GCG: variants seen among roughly 807,000 people sequenced by gnomAD.
The protein encoded by GCG is pro-glucagon.
Under a neutral mutation model 22.8 loss-of-function variants are expected in GCG, and 11 were observed. The ratio of observed to expected loss-of-function variants is 0.48; its 90% CI spans 0.30 to 0.80. GCG has a LOEUF of 0.80. GCG is among the 30% of genes least tolerant of loss of function. GCG has a pLI of 0.06. For synonymous variants in GCG, 89 were observed against 72.4 expected, an observed-to-expected ratio of 1.23 and a Z score of -1.16; for missense variants, 222 against 222.0, an observed-to-expected ratio of 1.00 and a Z score of 0.00.
chr2:162,149,488 A>G (rs551409207), intron 1 of GCG, among the ~76,000 whole-genome samples: 5 of 152,264 alleles, frequency 3.3e-5, no homozygotes, highest in Admixed American at 2.0e-4. Context: ...TGGAAATTAA[A>G]ATGTCCACAA....
At position 162,144,147 on chromosome 2, in the gene GCG, A is replaced by G. The variant is rs1262139977; in HGVS notation, c.416T>C (p.Val139Ala). Residue 139 changes from valine to alanine, a missense_variant, in exon 5 of 6, where the codon GTT becomes GCT. By Grantham distance (64) the Val-to-Ala change is moderately conservative. Transcript: ENST00000418842. ...AGCATGTCTGCGGCCAAGTTCTTCAACAATGGCGACCTCTTCTGGGAAACT... is the reference window on the plus strand; with the variant it reads ...AGCATGTCTGCGGCCAAGTTCTTCAGCAATGGCGACCTCTTCTGGGAAACT... ...RRDFPEEVAI[V>A]EELGRRHADG... 1 of 1,611,986 alleles carries G rather than the reference A, an allele frequency of 6.2e-7. No homozygotes were observed. Among genetic ancestry groups the G allele is most frequent in the Non-Finnish European group, 8.5e-7 (1 of 1,178,274 alleles).
Position 162,144,061 on chromosome 2 carries a change from TA to T in GCG, c.501del (p.Phe167LeufsTer2), listed in dbSNP as rs759990454. On this transcript the variant is annotated frameshift_variant, in exon 5 of 6. Transcript: ENST00000418842. LOFTEE classifies it high-confidence loss of function. ...ATTTTGGTCTGAATCAACCAGTTTA[TA>T]AAGTCCCTGGCGGCAAGATTATCAA... ...TILDNLAARD[F>X]INWLIQTKIT... 6.2e-7 allele frequency: 1 copy of T among 1,613,228 alleles called. No homozygotes were observed. The highest frequency in any genetic ancestry group is 8.5e-7 in the Non-Finnish European group (1 of 1,179,352).
At chr2:162,147,063 T>C (rs924584824) in intron 3 of GCG, among the ~76,000 whole-genome samples, 1 of 152,116 alleles carries the variant, frequency 6.6e-6, no homozygotes, top group Non-Finnish European at 1.5e-5. Context: ...AAGTAAACTT[T>C]CACTTTAAGG....
chr2:162,151,214 A>G (rs1686828154), intron 1 of GCG, among the ~76,000 whole-genome samples: 1 of 152,150 alleles, frequency 6.6e-6, no homozygotes, highest in African/African-American at 2.4e-5. Context: ...TGGTAACAAT[A>G]ATAAGTAGGA....
Position 162,149,105 on chromosome 2 carries a change from T to C in GCG, c.74A>G (p.Asp25Gly). ...TTAATACCTGGATTTCTCCTCTGTG[T>C]CTTGAAGGGAACGTTGCCAGCTGCC... Reference protein sequence around the residue: ...VQGSWQRSLQDTEEKSRSFSA... With the variant: ...VQGSWQRSLQGTEEKSRSFSA... The change falls in exon 2 of 6, where the codon GAC (aspartate) becomes GGC (glycine). Residue 25 changes from aspartate to glycine, a missense_variant. Physicochemically the swap from Asp to Gly is moderately conservative, Grantham distance 94. Transcript: ENST00000418842. The C allele has an allele frequency of 6.2e-7, 1 of 1,608,006 alleles. No individual in the cohort carries two copies. Among genetic ancestry groups the C allele is most frequent in the Admixed American group, 1.7e-5 (1 of 59,898 alleles).
At chr2:162,147,673 T>C (rs1686724093) in intron 2 of GCG, 159 bp from the exon 3 acceptor site, 1 of 765,532 alleles carries the variant, frequency 1.3e-6, no homozygotes, top group African/African-American at 1.7e-5. Context: ...TAGCTTGTCA[T>C]GAGAATCCCT....
At chr2:162,146,538 T>TTCTCTCTCTCTCTCTCTCTC (rs59717414) in intron 3 of GCG, among the ~76,000 whole-genome samples, 1 of 133,432 alleles carries the variant, frequency 7.5e-6, no homozygotes, top group African/African-American at 3.1e-5. Context: ...TGCTTGCTTG[T>TTCTCTCTCTCTCTCTCTCTC]TCTCTCTCTC....
At chr2:162,147,821 A>C (rs918880309) in intron 2 of GCG, among the ~76,000 whole-genome samples, 11 of 152,178 alleles carry the variant, frequency 7.2e-5, no homozygotes, top group African/African-American at 2.7e-4. Context: ...TAATAGTGAC[A>C]GAAGAGAGTA....
At chr2:162,147,187 C>CGGGGGCATAATACTAA (rs971877947) in intron 3 of GCG, among the ~76,000 whole-genome samples, 166 bp downstream of exon 3, 1 of 152,028 alleles carries the variant, frequency 6.6e-6, no homozygotes, top group African/African-American at 2.4e-5. Flanking sequence ...TTAAGACATT[C>CGGGGGCATAATACTAA]GGGGGCATAA....
chr2:162,151,471 G>A (rs927998390), intron 1 of GCG, among the ~76,000 whole-genome samples: 1 of 152,018 alleles, frequency 6.6e-6, no homozygotes, highest in African/African-American at 2.4e-5. Context: ...ATTGCAGAGG[G>A]TAGCTATTTT....
In GCG at chr2:162,149,157, C is replaced by T; in HGVS notation, c.22G>A (p.Ala8Thr). The change falls in exon 2 of 6, where the codon GCT (alanine) becomes ACT (threonine). Residue 8 changes from alanine to threonine, a missense_variant. Transcript: ENST00000418842. MKSIYFV[A>T]GLFVMLVQGS... is the part of the protein sequence containing the mutation. ...TGTACCAGCATTACAAATAATCCAG[C>T]CACAAAGTAAATGCTTTTCATTTCT... The T allele has an allele frequency of 1.2e-6, 2 of 1,611,722 alleles. No homozygotes were observed. The highest frequency in any genetic ancestry group is 1.1e-5 in the South Asian group (1 of 90,978).
At chr2:162,147,806 T>A (rs1262419015) in intron 2 of GCG, among the ~76,000 whole-genome samples, 1 of 152,190 alleles carries the variant, frequency 6.6e-6, no homozygotes, top group African/African-American at 2.4e-5. Context: ...TACTCATGAT[T>A]ATGCTAATAG....
intron 1 of GCG, among the ~76,000 whole-genome samples, chr2:162,151,507 T>C (rs1686837122): frequency 1.3e-5 from 2 of 152,172 alleles, no homozygotes; most frequent in African/African-American, 4.8e-5. Context: ...TTATCCTCAA[T>C]ACATAGTAAA....
At chr2:162,146,494 C>T (rs746191219) in intron 3 of GCG, among the ~76,000 whole-genome samples, 26 of 151,512 alleles carry the variant, frequency 1.7e-4, no homozygotes, top group Non-Finnish European at 3.1e-4. Context: ...CTTTAAGAAC[C>T]TTTGATTAGC....
chr2:162,144,552 G>A (rs561662080), intron 4 of GCG: 17 of 163,396 alleles, frequency 1.0e-4, no homozygotes, highest in Admixed American at 3.0e-4. Flanking sequence ...GTATTAAGAG[G>A]TTAAAGCTTC....
rs771632384 is a variant in GCG, at chr2:162,143,947, T to TGG, written c.536+78_536+79dup. 31 of 1,183,126 alleles carry TGG rather than the reference T, an allele frequency of 2.6e-5. No homozygotes were observed. In the East Asian group the frequency reaches 6.6e-4, roughly 25 times the overall value. The allele number at this position is 1,183,126 out of a possible 1,614,324, so 73.3% of individuals were successfully genotyped here. ...AGAGATTATAGACTTTCCCCCTACA[T>TGG]GGGGAACAGCTTGCAGCAGTATGAC... On this transcript the variant is annotated intron_variant, in intron 5 of 5. Transcript: ENST00000418842.
At position 162,149,008 on chromosome 2, in the gene GCG, C is replaced by T. The variant is rs141239775; in HGVS notation, c.92+79G>A. The T allele has an allele frequency of 6.8e-5, 55 of 812,816 alleles. 1 individual carries two copies. The South Asian group carries it at 8.2e-4, about 12-fold the overall frequency. 50.4% of individuals were successfully genotyped at this position (812,816 alleles called of 1,614,324 possible). ...GAATATTTATTCTAAATTACTGAGACCTTATTCACTAATCATAGTTTTCAC... is the reference window on the plus strand; with the variant it reads ...GAATATTTATTCTAAATTACTGAGATCTTATTCACTAATCATAGTTTTCAC... On this transcript the variant is annotated intron_variant, in intron 2 of 5. Coordinates refer to ENST00000418842, the MANE Select transcript of GCG (RefSeq NM_002054.5).
intron 1 of GCG, among the ~76,000 whole-genome samples, chr2:162,149,786 G>A (rs1169505402): frequency 6.6e-6 from 1 of 151,922 alleles, no homozygotes; most frequent in East Asian, 1.9e-4. Flanking sequence ...GGTATTTTAG[G>A]GTGCTTTGAC....
intron 1 of GCG, among the ~76,000 whole-genome samples, chr2:162,149,939 A>G (rs1330222052): frequency 4.6e-5 from 7 of 152,186 alleles, no homozygotes; most frequent in Admixed American, 4.6e-4. Context: ...TTCTAAAGTC[A>G]TAAAAGTCCC....
Sources: gnomAD v4.1 joint callset for allele counts (sites outside exome capture counted in the v4.1 genomes callset) on GRCh38, gnomAD v4.1.1 for gene constraint, MANE v1.5 for transcripts, NCBI Gene and HGNC (gene_info 2026-07-23, HGNC 2026-07-21) for gene names.